VSNL1: variants seen among roughly 807,000 people sequenced by gnomAD.
VSNL1 encodes the protein visinin-like protein 1.
Under a neutral mutation model 20.4 loss-of-function variants are expected in VSNL1, and 6 were observed. That is an observed-to-expected ratio of 0.29 (90% CI 0.16 to 0.58). VSNL1 has a LOEUF of 0.58. Among genes scored for constraint, VSNL1 ranks in the 20% least tolerant of loss-of-function variants. The pLI is 0.90. For missense variants in VSNL1, 100 were observed against 234.5 expected, an observed-to-expected ratio of 0.43 and a Z score of 3.75; for synonymous variants, 93 against 86.4, an observed-to-expected ratio of 1.08 and a Z score of -0.42.
chr2:17,627,983 G>T (rs1037399433), intron 2 of VSNL1, among the ~76,000 whole-genome samples: 1 of 152,200 alleles, frequency 6.6e-6, no homozygotes, highest in African/African-American at 2.4e-5. Flanking sequence ...AGCAAGATGG[G>T]GTCAGTTAGG....
intron 3 of VSNL1, among the ~76,000 whole-genome samples, chr2:17,650,187 C>G (rs1345384908): frequency 6.6e-6 from 1 of 152,182 alleles, no homozygotes. Flanking sequence ...GCCCAGCATG[C>G]CCTCCCCTGG....
chr2:17,609,563 A>C (rs557869221), intron 2 of VSNL1, among the ~76,000 whole-genome samples: 48 of 152,294 alleles, frequency 3.2e-4, no homozygotes, highest in African/African-American at 1.1e-3. Context: ...CAGCTATGTC[A>C]GCTTTCTTCC....
chr2:17,636,395 T>G (rs1665749562), intron 2 of VSNL1, among the ~76,000 whole-genome samples: 2 of 152,304 alleles, frequency 1.3e-5, no homozygotes, highest in East Asian at 1.9e-4. Flanking sequence ...CCTTGACCAG[T>G]GGATGCTCAC....
chr2:17,565,771 CA>C (rs1663923309), intron 1 of VSNL1, among the ~76,000 whole-genome samples: 1 of 152,154 alleles, frequency 6.6e-6, no homozygotes, highest in Non-Finnish European at 1.5e-5. Flanking sequence ...GCTGTGTCCC[CA>C]CCCAAATCTC....
chr2:17,639,074 T>C (rs1050075795), intron 2 of VSNL1, among the ~76,000 whole-genome samples: 3 of 152,194 alleles, frequency 2.0e-5, no homozygotes, highest in Non-Finnish European at 4.4e-5. Context: ...AGGGATCTAG[T>C]CTTTCTATTC....
chr2:17,593,961 A>G (rs1217693814), intron 2 of VSNL1, among the ~76,000 whole-genome samples: 2 of 152,244 alleles, frequency 1.3e-5, no homozygotes, highest in Non-Finnish European at 1.5e-5. Context: ...TCATATCACT[A>G]AAGGCCATGC....
At position 17,649,756 on chromosome 2, in the gene VSNL1, TCTC is replaced by T. The variant is rs766131126; in HGVS notation, c.378+134_378+136del. The T allele has an allele frequency of 7.1e-5, 60 of 844,148 alleles. No homozygotes were observed. Among genetic ancestry groups the T allele is most frequent in the South Asian group, 6.0e-4 (35 of 58,694 alleles). The allele number at this position is 844,148 out of a possible 1,614,324, so 52.3% of individuals were successfully genotyped here. A position where few individuals can be genotyped will look rare whatever the true frequency, so the allele number is the denominator to read the frequency against. ...GCCAGCTGCACACCACGCCTGGACT[TCTC>T]CTGCTTCTGTCCCCGCTGCAGCACA... is the stretch of plus-strand genomic sequence containing the variant. On this transcript the variant is annotated intron_variant, in intron 3 of 3. Coordinates refer to ENST00000295156, the MANE Select transcript of VSNL1 (RefSeq NM_003385.5). The surrounding 1 kb of genome is among the most constrained non-coding windows in gnomAD (Gnocchi z 6.4).
chr2:17,541,545 C>T (rs770339213), intron 1 of VSNL1: 3 of 152,160 alleles, frequency 2.0e-5, no homozygotes, highest in Non-Finnish European at 4.4e-5. Flanking sequence ...GGGAAAGATG[C>T]TCTACTGCAC....
At chr2:17,572,696 G>C (rs574124267) in intron 1 of VSNL1, among the ~76,000 whole-genome samples, 14 of 152,168 alleles carry the variant, frequency 9.2e-5, no homozygotes, top group Admixed American at 8.5e-4. Context: ...ATCTAACTCT[G>C]TCTCACCCTT....
intron 2 of VSNL1, among the ~76,000 whole-genome samples, chr2:17,636,833 T>C (rs996283773): frequency 6.6e-6 from 1 of 152,176 alleles, no homozygotes; most frequent in African/African-American, 2.4e-5. Context: ...CTCTCAAAGG[T>C]ACTCACAGTA....
At chr2:17,577,128 C>T (rs1664232728) in intron 1 of VSNL1, among the ~76,000 whole-genome samples, 1 of 152,114 alleles carries the variant, frequency 6.6e-6, no homozygotes, top group Admixed American at 6.5e-5. Flanking sequence ...TATATCTAAA[C>T]ATGGAAAATG....
At chr2:17,613,747 C>T (rs897296374) in intron 2 of VSNL1, among the ~76,000 whole-genome samples, 4 of 152,186 alleles carry the variant, frequency 2.6e-5, no homozygotes, top group African/African-American at 4.8e-5. Flanking sequence ...CTCATTCACC[C>T]ATCTTTCCAC....
At chr2:17,584,692 G>A (rs1017346339) in intron 1 of VSNL1, among the ~76,000 whole-genome samples, 10 of 152,210 alleles carry the variant, frequency 6.6e-5, no homozygotes, top group African/African-American at 1.9e-4. Context: ...GAGTCCACTC[G>A]TCACACCCTA....
chr2:17,648,690 T>C (rs944189372), intron 2 of VSNL1, among the ~76,000 whole-genome samples: 1 of 152,196 alleles, frequency 6.6e-6, no homozygotes, highest in Non-Finnish European at 1.5e-5. Flanking sequence ...CACCTACTGA[T>C]TCCCCATGGC....
intron 1 of VSNL1, among the ~76,000 whole-genome samples, chr2:17,591,776 T>C (rs943077016): frequency 1.8e-4 from 28 of 152,096 alleles, no homozygotes; most frequent in African/African-American, 6.8e-4. Context: ...ATGCTTACTA[T>C]GAATAGCATA....
intron 2 of VSNL1, among the ~76,000 whole-genome samples, chr2:17,643,463 ACTGGTCAGT>A (rs1456802344): frequency 1.1e-4 from 17 of 152,038 alleles, no homozygotes; most frequent in Non-Finnish European, 2.1e-4. Flanking sequence ...CAACCCTTCT[ACTGGTCAGT>A]GGGTAGATTT....
chr2:17,605,986 C>G (rs921435386), intron 2 of VSNL1, among the ~76,000 whole-genome samples: 1 of 152,256 alleles, frequency 6.6e-6, no homozygotes, highest in African/African-American at 2.4e-5. Context: ...CATATATTAA[C>G]TCATTTCATC....
chr2:17,617,795 G>C (rs1665249966), intron 2 of VSNL1, among the ~76,000 whole-genome samples: 2 of 152,090 alleles, frequency 1.3e-5, no homozygotes, highest in South Asian at 4.2e-4. Context: ...GGGCATGCTG[G>C]AATTGAACAG....
chr2:17,651,616 CCTGA>C (rs1209924652), intron 3 of VSNL1, among the ~76,000 whole-genome samples: 8 of 152,324 alleles, frequency 5.3e-5, no homozygotes, highest in African/African-American at 1.9e-4. Flanking sequence ...TGGTGTGAGA[CCTGA>C]CTGTGAGGGC....
Sources: allele counts gnomAD v4.1 joint callset (sites outside exome capture counted in the v4.1 genomes callset), GRCh38; gene constraint gnomAD v4.1.1; non-coding constraint Gnocchi (gnomAD v3.1); transcripts MANE v1.5; gene names NCBI Gene and HGNC (gene_info 2026-07-23, HGNC 2026-07-21).